Variants in TET1 observed in about 807,000 individuals in gnomAD.
The protein encoded by TET1 is tet methylcytosine dioxygenase 1.
TET1 carries 13 observed loss-of-function variants against 148.7 expected under a neutral mutation model. That is an observed-to-expected ratio of 0.09 (90% CI 0.06 to 0.14). The LOEUF is 0.14. TET1 is among the 10% of genes least tolerant of loss of function. TET1 has a pLI of 1.00. For missense variants in TET1, 2,182 were observed against 2,553.8 expected (o/e 0.85, Z 3.14); for synonymous variants, 907 against 937.2 (o/e 0.97, Z 0.59).
chr10:68,676,062 G>T (rs1157935218), intron 8 of TET1, among the ~76,000 whole-genome samples: 1 of 150,710 alleles, frequency 6.6e-6, no homozygotes, highest in Non-Finnish European at 1.5e-5. Context: ...TCACCATCTT[G>T]GCCAGGCTGG....
At chr10:68,676,254 ATATATATATATATATTTTTTTTTTTT>A (rs1403491944) in intron 8 of TET1, among the ~76,000 whole-genome samples, 5 of 36,816 alleles carry the variant, frequency 1.4e-4, no homozygotes, top group Non-Finnish European at 1.7e-4. Context: ...ATATATATAT[ATATATATATATATATTTTTTTTTTTT>A]TTTTTTTTTT....
At chr10:68,657,830 G>C (rs1382330081) in intron 6 of TET1, among the ~76,000 whole-genome samples, 1 of 152,104 alleles carries the variant, frequency 6.6e-6, no homozygotes, top group African/African-American at 2.4e-5. Flanking sequence ...GTCCATGAAG[G>C]AAGGTGGGAA....
intron 2 of TET1, among the ~76,000 whole-genome samples, chr10:68,592,090 G>T (rs1265640673): frequency 6.6e-6 from 1 of 152,062 alleles, no homozygotes; most frequent in Non-Finnish European, 1.5e-5. Context: ...GGCCGAGGTG[G>T]GTGGATCACC....
intron 10 of TET1, among the ~76,000 whole-genome samples, chr10:68,683,606 G>A (rs10998383): frequency 0.035 from 5,083 of 145,422 alleles, 395 homozygotes; most frequent in East Asian, 0.35. Flanking sequence ...TAGAGATGGG[G>A]TTTCACCGTG....
chr10:68,600,710 G>A (rs1306130705), intron 2 of TET1, among the ~76,000 whole-genome samples: 1 of 152,136 alleles, frequency 6.6e-6, no homozygotes, highest in East Asian at 1.9e-4. Context: ...TGGCTACCTC[G>A]TGGGCTTCGC....
At chr10:68,682,498 G>A (rs2055450446) in intron 9 of TET1, among the ~76,000 whole-genome samples, 1 of 152,118 alleles carries the variant, frequency 6.6e-6, no homozygotes, top group Non-Finnish European at 1.5e-5. Context: ...TACGGATATT[G>A]AAAACTCTGT....
At chr10:68,576,460 C>T (rs145526886) in intron 2 of TET1, among the ~76,000 whole-genome samples, 15 of 151,722 alleles carry the variant, frequency 9.9e-5, no homozygotes, top group Admixed American at 2.0e-4. Flanking sequence ...CCTAGGAGGT[C>T]GAAATCAGCC....
rs1432876626 is a variant in TET1, at chr10:68,572,523, CAG to C, written c.187_188del (p.Glu63ThrfsTer2). The C allele has an allele frequency of 6.2e-7, 1 of 1,613,436 alleles. No individual in the cohort carries two copies. The highest frequency in any genetic ancestry group is 1.3e-5 in the African/African-American group (1 of 74,822). ...CAAGAAAGAGATGTTAAGAAAAAAA[CAG>C]AACCTAAACCACCCGTGCCAGTCAG... On this transcript the variant is annotated frameshift_variant, in exon 2 of 12. Coordinates refer to ENST00000373644, the MANE Select transcript of TET1 (RefSeq NM_030625.3). LOFTEE classifies it high-confidence loss of function.
At chr10:68,587,826 A>C (rs2053876763) in intron 2 of TET1, among the ~76,000 whole-genome samples, 1 of 152,158 alleles carries the variant, frequency 6.6e-6, no homozygotes, top group Admixed American at 6.6e-5. Context: ...ATGAGGTGTA[A>C]GTATTCGGAT....
chr10:68,647,508 GC>G (rs1396466314), intron 4 of TET1, among the ~76,000 whole-genome samples: 1 of 152,046 alleles, frequency 6.6e-6, no homozygotes. Flanking sequence ...GTTGGCTGAG[GC>G]AGGAGAATCA....
intron 6 of TET1, among the ~76,000 whole-genome samples, chr10:68,661,037 T>C (rs1324062064): frequency 6.6e-6 from 1 of 151,192 alleles, no homozygotes; most frequent in Non-Finnish European, 1.5e-5. Flanking sequence ...GTTTTTGTTT[T>C]TGTTTTTTTT....
intron 3 of TET1, among the ~76,000 whole-genome samples, chr10:68,609,893 A>G (rs930764311): frequency 9.2e-5 from 14 of 152,046 alleles, no homozygotes; most frequent in Non-Finnish European, 2.1e-4. Context: ...CATACCTGTA[A>G]TCCCAGCACT....
intron 3 of TET1, among the ~76,000 whole-genome samples, chr10:68,615,615 G>A (rs543701279): frequency 2.6e-5 from 4 of 151,934 alleles, no homozygotes; most frequent in African/African-American, 4.8e-5. Flanking sequence ...CAAAGTGCTA[G>A]GATTACAGGC....
intron 6 of TET1, among the ~76,000 whole-genome samples, chr10:68,661,078 G>A (rs2055103298): frequency 4.0e-5 from 6 of 151,472 alleles, no homozygotes; most frequent in African/African-American, 1.5e-4. Context: ...CGCCCAGGCT[G>A]GAGTGCAGTG....
chr10:68,577,736 AG>A (rs1228423537), intron 2 of TET1, among the ~76,000 whole-genome samples: 1 of 152,118 alleles, frequency 6.6e-6, no homozygotes, highest in East Asian at 1.9e-4. Context: ...TTGAACCTGG[AG>A]GGGGGCGTTG....
At chr10:68,578,843 C>T (rs1191278629) in intron 2 of TET1, among the ~76,000 whole-genome samples, 1 of 151,892 alleles carries the variant, frequency 6.6e-6, no homozygotes, top group Non-Finnish European at 1.5e-5. Context: ...CATGCCCAGC[C>T]CCAAAATTTA....
intron 9 of TET1, among the ~76,000 whole-genome samples, chr10:68,682,213 G>A (rs1441702678): frequency 1.5e-5 from 2 of 137,862 alleles, no homozygotes; most frequent in African/African-American, 5.3e-5. Context: ...GCAGGTTCAA[G>A]CAATTCTCCT....
chr10:68,590,802 A>C (rs539716320), intron 2 of TET1, among the ~76,000 whole-genome samples: 1 of 151,836 alleles, frequency 6.6e-6, no homozygotes, highest in Non-Finnish European at 1.5e-5. Flanking sequence ...TAAATAAATA[A>C]ATAAATATTT....
intron 1 of TET1, among the ~76,000 whole-genome samples, chr10:68,566,649 G>C (rs1328758633): frequency 3.3e-5 from 5 of 152,116 alleles, no homozygotes; most frequent in African/African-American, 1.2e-4. Context: ...AAGTCTTAAA[G>C]ACACATTACA....
Sources: allele counts gnomAD v4.1 joint callset (sites outside exome capture counted in the v4.1 genomes callset), GRCh38; gene constraint gnomAD v4.1.1; transcripts MANE v1.5; gene names NCBI Gene and HGNC (gene_info 2026-07-23, HGNC 2026-07-21).